Variants in XIRP2 observed in about 807,000 individuals in gnomAD.
XIRP2 encodes xin actin binding repeat containing 2.
A neutral mutation model predicts 277.0 loss-of-function variants in XIRP2; 236 were observed. That is an observed-to-expected ratio of 0.85 (90% CI 0.77 to 0.95). The LOEUF (loss-of-function observed/expected upper bound fraction) is 0.95, where lower values mean the gene tolerates loss of function less well. Among genes scored for constraint, XIRP2 ranks in the 40% least tolerant of loss-of-function variants. XIRP2 has a pLI of 0.00. For missense variants in XIRP2, 4,640 were observed against 4,157.5 expected, an observed-to-expected ratio of 1.12 and a Z score of -3.19; for synonymous variants, 1,490 against 1,416.5, an observed-to-expected ratio of 1.05 and a Z score of -1.17.
At chr2:167,046,917 A>G (rs1688801023) in intron 2 of XIRP2, among the ~76,000 whole-genome samples, 1 of 151,944 alleles carries the variant, frequency 6.6e-6, no homozygotes, top group African/African-American at 2.4e-5. Context: ...TTACCCCTCG[A>G]ACATGAAATA....
At chr2:167,062,815 T>C (rs2105241683) in intron 2 of XIRP2, among the ~76,000 whole-genome samples, 1 of 152,190 alleles carries the variant, frequency 6.6e-6, no homozygotes, top group Non-Finnish European at 1.5e-5. Context: ...ATATTCAAAA[T>C]TGGTCTTCTC....
At chr2:166,906,525 T>G (rs894832472) in intron 2 of XIRP2, among the ~76,000 whole-genome samples, 11 of 152,118 alleles carry the variant, frequency 7.2e-5, no homozygotes, top group Admixed American at 5.9e-4. Flanking sequence ...TATATGTATA[T>G]GTACACAGTT....
intron 1 of XIRP2, among the ~76,000 whole-genome samples, chr2:166,889,344 C>G (rs1684039656): frequency 6.6e-6 from 1 of 152,206 alleles, no homozygotes; most frequent in Non-Finnish European, 1.5e-5. Flanking sequence ...AGACACCTCC[C>G]TAAACAATTT....
At chr2:166,905,116 A>T (rs1019135297) in intron 2 of XIRP2, among the ~76,000 whole-genome samples, 2 of 151,996 alleles carry the variant, frequency 1.3e-5, no homozygotes, top group African/African-American at 4.8e-5. Flanking sequence ...TTTCTATTTC[A>T]CAGGTGCAAT....
At chr2:167,218,046 A>T (rs1694308064) in intron 4 of XIRP2, 120 bp from the exon 5 acceptor site, 10 of 764,612 alleles carry the variant, frequency 1.3e-5, no homozygotes, top group Non-Finnish European at 1.9e-5. Flanking sequence ...ATAATGGTGT[A>T]TGTGAATATC....
At chr2:167,133,616 A>T (rs746172180) in intron 2 of XIRP2, among the ~76,000 whole-genome samples, 1 of 152,222 alleles carries the variant, frequency 6.6e-6, no homozygotes, top group Non-Finnish European at 1.5e-5. Context: ...TCCATGGACC[A>T]TGTTCAGTAT....
chr2:167,149,007 C>G (rs1303011664), intron 3 of XIRP2, among the ~76,000 whole-genome samples: 1 of 151,920 alleles, frequency 6.6e-6, no homozygotes, highest in Non-Finnish European at 1.5e-5. Context: ...GGATGGGAAG[C>G]TAGATCACTG....
At chr2:167,050,544 C>T (rs1032554635) in intron 2 of XIRP2, among the ~76,000 whole-genome samples, 1 of 151,914 alleles carries the variant, frequency 6.6e-6, no homozygotes, top group African/African-American at 2.4e-5. Flanking sequence ...ATGGGAGATA[C>T]ACAGGACCTG....
At chr2:166,998,602 A>G (rs1255051146) in intron 2 of XIRP2, among the ~76,000 whole-genome samples, 1 of 152,138 alleles carries the variant, frequency 6.6e-6, no homozygotes, top group African/African-American at 2.4e-5. Flanking sequence ...GCGCCACTGC[A>G]CTCCAGCCTG....
At chr2:166,933,722 C>A (rs1180291587) in intron 2 of XIRP2, among the ~76,000 whole-genome samples, 1 of 151,874 alleles carries the variant, frequency 6.6e-6, no homozygotes, top group Non-Finnish European at 1.5e-5. Flanking sequence ...CCAAGACAAT[C>A]CTGAAGAAGA....
In XIRP2 at chr2:167,245,534, A is replaced by T. The variant is rs367959526; in HGVS notation, c.4142A>T (p.Lys1381Met). 19 of 1,613,524 alleles carry T rather than the reference A, an allele frequency of 1.2e-5. No homozygotes were observed. In the African/African-American group the frequency reaches 2.1e-4, roughly 18 times the overall value. ...TCTGTCACACAAGAAGACATTCAGA[A>T]GGGAGATGTTAGTTCTGTCAGATAC... Reference protein sequence around the residue: ...IKSVTQEDIQKGDVSSVRYRF... With the variant: ...IKSVTQEDIQMGDVSSVRYRF... The change falls in exon 9 of 11, where the codon AAG becomes ATG. Residue 1381 changes from lysine (K) to methionine (M), a missense_variant. By Grantham distance (95) the Lys-to-Met change is moderately conservative. Coordinates refer to ENST00000409195, the MANE Select transcript of XIRP2 (RefSeq NM_152381.6).
intron 2 of XIRP2, among the ~76,000 whole-genome samples, chr2:167,071,711 G>A (rs991475149): frequency 5.9e-5 from 9 of 152,320 alleles, no homozygotes; most frequent in Admixed American, 3.9e-4. Context: ...TGAGAACTAT[G>A]AAAACGGGGA....
rs750753001 is a variant in XIRP2 at position 166,934,195 on chromosome 2, CAA to C, written c.408+30323_408+30324del. Among the ~76,000 whole-genome samples the C allele has an allele frequency of 8.3e-3, 591 of 71,562 alleles. 5 individuals are homozygous for C. The highest frequency in any genetic ancestry group is 0.025 in the African/African-American group (523 of 21,216). 46.9% of individuals were successfully genotyped at this position (71,562 alleles called of 152,430 possible). Reference sequence around the variant, plus strand: ...ATTTTGTTTAGGAAAAAATCAACAGCAAAAAAAAAAAAAAAAAAACAAAACTA... The same window carrying C: ...ATTTTGTTTAGGAAAAAATCAACAGCAAAAAAAAAAAAAAAAACAAAACTA... On this transcript the variant is annotated intron_variant, in intron 2 of 10. Coordinates refer to ENST00000409195, the MANE Select transcript of XIRP2 (RefSeq NM_152381.6).
chr2:167,114,968 G>T (rs1230650350), intron 2 of XIRP2, among the ~76,000 whole-genome samples: 1 of 152,100 alleles, frequency 6.6e-6, no homozygotes, highest in African/African-American at 2.4e-5. Context: ...CCAGTAATGG[G>T]ATGTCTGGGT....
intron 2 of XIRP2, among the ~76,000 whole-genome samples, chr2:166,980,167 T>C (rs943690200): frequency 6.6e-6 from 1 of 152,160 alleles, no homozygotes; most frequent in Non-Finnish European, 1.5e-5. Flanking sequence ...TTAATATACA[T>C]AGCTTCTTTT....
chr2:166,902,928 T>C (rs1163046859), intron 1 of XIRP2, among the ~76,000 whole-genome samples: 1 of 152,118 alleles, frequency 6.6e-6, no homozygotes, highest in East Asian at 1.9e-4. Context: ...ACATGTAAAG[T>C]CATTATCAAA....
chr2:167,251,001 C>G lies in XIRP2; in HGVS notation c.9609C>G (p.Thr3203=), dbSNP rs1224941637. 2 of 1,613,474 alleles carry G rather than the reference C, an allele frequency of 1.2e-6. No homozygotes were observed. The highest frequency in any genetic ancestry group is 1.3e-5 in the African/African-American group (1 of 74,824). ...GGGCCATCCCATGTCCAGCAGCAAC[C>G]CCGGTTCCAATTGTAGAGAAGAGGT... ...SKGAIPCPAA[T]PVPIVEKRSE... Residue 3203 remains threonine, a synonymous_variant, in exon 9 of 11, where the codon ACC becomes ACG. Coordinates refer to ENST00000409195, the MANE Select transcript of XIRP2 (RefSeq NM_152381.6).
At chr2:167,001,546 G>C (rs1159457552) in intron 2 of XIRP2, among the ~76,000 whole-genome samples, 2 of 152,060 alleles carry the variant, frequency 1.3e-5, no homozygotes, top group Non-Finnish European at 2.9e-5. Flanking sequence ...TATGGTACTA[G>C]AAATAACGCT....
chr2:166,931,235 A>G (rs1685327638), intron 2 of XIRP2, among the ~76,000 whole-genome samples: 1 of 152,212 alleles, frequency 6.6e-6, no homozygotes, highest in Admixed American at 6.6e-5. Context: ...GGAAACAGAC[A>G]TGAATGTTTA....
Sources: allele counts gnomAD v4.1 joint callset (sites outside exome capture counted in the v4.1 genomes callset), GRCh38; gene constraint gnomAD v4.1.1; transcripts MANE v1.5; gene names NCBI Gene and HGNC (gene_info 2026-07-23, HGNC 2026-07-21).